Variants in GRIA2 observed in about 807,000 individuals in gnomAD.
GRIA2 encodes the protein glutamate receptor 2.
GRIA2 carries 14 observed loss-of-function variants against 97.3 expected under a neutral mutation model. That is an observed-to-expected ratio of 0.14 (90% CI 0.10 to 0.23). The LOEUF (loss-of-function observed/expected upper bound fraction) is 0.23, where lower values mean the gene tolerates loss of function less well. Among genes scored for constraint, GRIA2 ranks in the 10% least tolerant of loss-of-function variants. The probability of loss-of-function intolerance (pLI) is 1.00; values close to 1 mark genes in which losing one functional copy is unlikely to be tolerated. For synonymous variants in GRIA2, 412 were observed against 387.8 expected (o/e 1.06, Z -0.73); for missense variants, 558 against 1,069.8 (o/e 0.52, Z 6.67).
Position 157,317,546 on chromosome 4 carries a change from C to A in GRIA2, c.667-112C>A, listed in dbSNP as rs77870761. 3.3e-3 allele frequency: 1,486 copies of A among 448,628 alleles called. 11 individuals carry two copies. The highest frequency in any genetic ancestry group is 0.021 in the African/African-American group (1,056 of 49,494). The allele number at this position is 448,628 out of a possible 1,614,324, so 27.8% of individuals were successfully genotyped here. On this transcript the variant is annotated intron_variant, in intron 4 of 15. Transcript: ENST00000264426. ...AAAATGACTTATTTTGGCACATCAA[C>A]AAACCTAGCAGATAAAATTCCACGT... is the stretch of plus-strand genomic sequence containing the variant.
intron 6 of GRIA2, among the ~76,000 whole-genome samples, chr4:157,323,395 T>C (rs1308334351): frequency 1.3e-5 from 2 of 150,036 alleles, no homozygotes; most frequent in African/African-American, 4.9e-5. Flanking sequence ...GGGAGGTACT[T>C]TTCATGTAAC....
intron 2 of GRIA2, among the ~76,000 whole-genome samples, chr4:157,271,973 G>A (rs180832083): frequency 2.0e-5 from 3 of 152,102 alleles, no homozygotes; most frequent in African/African-American, 4.8e-5. Context: ...AAGGACTTTC[G>A]GAAAATGTAT....
At chr4:157,240,871 C>A (rs539892821) in intron 2 of GRIA2, among the ~76,000 whole-genome samples, 209 of 151,760 alleles carry the variant, frequency 1.4e-3, no homozygotes, top group African/African-American at 4.8e-3. Flanking sequence ...CCCCCCACCC[C>A]ACAACAGTCC....
At chr4:157,282,784 A>T (rs2126817330) in intron 2 of GRIA2, among the ~76,000 whole-genome samples, 1 of 152,208 alleles carries the variant, frequency 6.6e-6, no homozygotes, top group South Asian at 2.1e-4. Context: ...AACATCACTC[A>T]GGTCTATTTC....
intron 6 of GRIA2, among the ~76,000 whole-genome samples, chr4:157,326,456 A>G (rs1277011829): frequency 1.3e-5 from 2 of 152,204 alleles, no homozygotes; most frequent in African/African-American, 4.8e-5. Flanking sequence ...CCTAGAATAA[A>G]TCCTCATACA....
At chr4:157,299,820 A>C (rs1733534094) in intron 2 of GRIA2, among the ~76,000 whole-genome samples, 2 of 152,212 alleles carry the variant, frequency 1.3e-5, no homozygotes, top group African/African-American at 4.8e-5. Context: ...GAACTCAGTG[A>C]GAGCATCTTT....
At chr4:157,257,323 T>C (rs1731323708) in intron 2 of GRIA2, among the ~76,000 whole-genome samples, 1 of 152,056 alleles carries the variant, frequency 6.6e-6, no homozygotes, top group African/African-American at 2.4e-5. Context: ...AGGTTGTGAT[T>C]TGTTCATGGG....
intron 12 of GRIA2, among the ~76,000 whole-genome samples, chr4:157,358,712 C>A (rs192358965): frequency 1.7e-4 from 26 of 152,172 alleles, no homozygotes; most frequent in African/African-American, 6.0e-4. Context: ...CTATCATAAA[C>A]CCCAGTGACA....
At position 157,221,647 on chromosome 4, in the gene GRIA2, T is replaced by G; in HGVS notation, c.89-20T>G. 1 of 1,613,410 alleles carries G rather than the reference T, an allele frequency of 6.2e-7. No individual in the cohort carries two copies. The highest frequency in any genetic ancestry group is 8.5e-7 in the Non-Finnish European group (1 of 1,179,524). On this transcript the variant is annotated intron_variant, in intron 1 of 15. Transcript: ENST00000264426. ...CGGGGCACTGACACTGTTCTCTTGC[T>G]TGCTGTTTGTTCTTTGCAGGGGGGC...
At chr4:157,248,735 A>G (rs967114608) in intron 2 of GRIA2, among the ~76,000 whole-genome samples, 1 of 142,010 alleles carries the variant, frequency 7.0e-6, no homozygotes, top group African/African-American at 2.6e-5. Flanking sequence ...ATATACACGT[A>G]TGTATATATA....
intron 2 of GRIA2, among the ~76,000 whole-genome samples, chr4:157,236,141 A>C (rs1284628991): frequency 6.6e-6 from 1 of 152,066 alleles, no homozygotes; most frequent in East Asian, 1.9e-4. Context: ...TTACAATAGC[A>C]TTTTGGTACT....
Position 157,321,502 on chromosome 4 carries a change from T to C in GRIA2, c.785T>C (p.Ile262Thr). Residue 262 changes from isoleucine (I) to threonine (T), a missense_variant, in exon 6 of 16, where the codon ATA becomes ACA. Physicochemically the swap from Ile to Thr is moderately conservative, Grantham distance 89. Around this residue, in one of 8 missense-constraint regions of GRIA2, gnomAD observed 173 missense variants for 209.1 expected, o/e 0.83. Transcript: ENST00000264426. Reference protein sequence around the residue: ...FGGANVSGFQIVDYDDSLVSK... With the variant: ...FGGANVSGFQTVDYDDSLVSK... ...GGTGCAAATGTCTCTGGATTTCAGA[T>C]AGTGGACTATGATGATTCGTTGGTA... The C allele has an allele frequency of 1.9e-6, 3 of 1,607,740 alleles. No individual in the cohort carries two copies. The highest frequency in any genetic ancestry group is 1.1e-5 in the South Asian group (1 of 90,966).
intron 4 of GRIA2, among the ~76,000 whole-genome samples, chr4:157,313,711 ATGTGTG>A (rs377507657): frequency 2.0e-4 from 30 of 149,808 alleles, no homozygotes; most frequent in African/African-American, 6.1e-4. Context: ...CTAGCTGAAA[ATGTGTG>A]TGTGTGTGTG....
chr4:157,241,213 G>A (rs1442537752), intron 2 of GRIA2, among the ~76,000 whole-genome samples: 2 of 152,030 alleles, frequency 1.3e-5, no homozygotes, highest in Non-Finnish European at 2.9e-5. Context: ...AGATTTCTAG[G>A]ATGAAAATTA....
At chr4:157,269,098 A>C (rs1350243061) in intron 2 of GRIA2, among the ~76,000 whole-genome samples, 1 of 152,064 alleles carries the variant, frequency 6.6e-6, no homozygotes, top group Non-Finnish European at 1.5e-5. Flanking sequence ...GTAGTATGGG[A>C]GGTTCAATTG....
intron 11 of GRIA2, among the ~76,000 whole-genome samples, chr4:157,339,464 T>C (rs962306756): frequency 6.6e-6 from 1 of 151,948 alleles, no homozygotes; most frequent in African/African-American, 2.4e-5. Context: ...TACTTAAAAG[T>C]AAATAATAAA....
chr4:157,350,553 C>A (rs1428990201), intron 12 of GRIA2, among the ~76,000 whole-genome samples: 5 of 151,076 alleles, frequency 3.3e-5, no homozygotes, highest in Admixed American at 3.3e-4. Context: ...GTTCTTCAGG[C>A]GGCCCAGTGT....
chr4:157,235,458 T>G (rs1730201381), intron 2 of GRIA2, among the ~76,000 whole-genome samples: 1 of 152,068 alleles, frequency 6.6e-6, no homozygotes, highest in Non-Finnish European at 1.5e-5. Context: ...TTCTAGATCA[T>G]TTATAAATAT....
At chr4:157,294,038 T>C (rs1289758187) in intron 2 of GRIA2, among the ~76,000 whole-genome samples, 1 of 152,148 alleles carries the variant, frequency 6.6e-6, no homozygotes, top group Non-Finnish European at 1.5e-5. Flanking sequence ...ACATAAGTAC[T>C]ATGGCACATG....
Sources: allele counts gnomAD v4.1 joint callset (sites outside exome capture counted in the v4.1 genomes callset), GRCh38; gene constraint gnomAD v4.1.1; regional missense constraint gnomAD v4.1.1; transcripts MANE v1.5; gene names NCBI Gene and HGNC (gene_info 2026-07-23, HGNC 2026-07-21).